Variants in TSPAN14 observed in about 807,000 individuals in gnomAD.
TSPAN14 encodes tetraspanin-14.
In TSPAN14, 16 loss-of-function variants were observed where a neutral mutation model predicts 36.6. The ratio of observed to expected loss-of-function variants is 0.44; its 90% confidence interval spans 0.30 to 0.66. The LOEUF (loss-of-function observed/expected upper bound fraction) is 0.66, where lower values mean the gene tolerates loss of function less well. Ranked by LOEUF, TSPAN14 falls within the 30% of genes least tolerant of loss-of-function variation. The pLI is 0.12. For synonymous variants in TSPAN14, 139 were observed against 143.8 expected, an observed-to-expected ratio of 0.97 and a Z score of 0.24; for missense variants, 231 against 355.1, an observed-to-expected ratio of 0.65 and a Z score of 2.81.
Position 80,483,971 on chromosome 10 carries a change from C to T in TSPAN14, c.-17-5246C>T, listed in dbSNP as rs975716875. Reference sequence around the variant, plus strand: ...AAAAAAGTGTAAAATAGGCCAGGCACGGTGACTCACGCCTGTAATCTCAGC... The same window carrying T: ...AAAAAAGTGTAAAATAGGCCAGGCATGGTGACTCACGCCTGTAATCTCAGC... On this transcript the variant is annotated intron_variant, in intron 1 of 8. Coordinates refer to ENST00000429989, the Ensembl canonical transcript of TSPAN14. Among the ~76,000 whole-genome samples the T allele has an allele frequency of 1.2e-3, 166 of 133,922 alleles. 1 individual carries two copies. Among genetic ancestry groups the T allele is most frequent in the Non-Finnish European group, 3.7e-4 (24 of 64,852 alleles). 87.9% of individuals were successfully genotyped at this position (133,922 alleles called of 152,430 possible). A position where few individuals can be genotyped will look rare whatever the true frequency, so the allele number is the denominator to read the frequency against.
chr10:80,473,597 C>G (rs904024852), intron 1 of TSPAN14, among the ~76,000 whole-genome samples: 1 of 152,076 alleles, frequency 6.6e-6, no homozygotes, highest in African/African-American at 2.4e-5. Context: ...GATCCAGCCC[C>G]CCTGACGTTG....
exon 9 of TSPAN14, chr10:80,520,474 A>C: frequency 2.2e-6 from 1 of 452,968 alleles, no homozygotes; most frequent in East Asian, 5.6e-5. Context: ...CCTGTCCTGA[A>C]TCCCCGCCTT....
At chr10:80,472,541 A>T (rs1846613144) in intron 1 of TSPAN14, among the ~76,000 whole-genome samples, 1 of 152,212 alleles carries the variant, frequency 6.6e-6, no homozygotes, top group Admixed American at 6.5e-5. Context: ...ATTTCACATC[A>T]AACTCATGAC....
intron 1 of TSPAN14, among the ~76,000 whole-genome samples, chr10:80,466,912 A>G (rs756564094): frequency 6.6e-6 from 1 of 152,218 alleles, no homozygotes; most frequent in East Asian, 1.9e-4. Context: ...ACGGGCTTAC[A>G]GGTCATAGGT....
chr10:80,480,862 A>T (rs1847232042), intron 1 of TSPAN14, among the ~76,000 whole-genome samples: 1 of 152,216 alleles, frequency 6.6e-6, no homozygotes, highest in African/African-American at 2.4e-5. Flanking sequence ...GCACACCAGC[A>T]TGGCACATGT....
At chr10:80,512,431 G>A (rs529461296) in intron 6 of TSPAN14, among the ~76,000 whole-genome samples, 162 bp downstream of exon 6, 7 of 152,300 alleles carry the variant, frequency 4.6e-5, no homozygotes, top group African/African-American at 9.6e-5. Context: ...TCTGAAATCC[G>A]ATATGTGTAC....
intron 5 of TSPAN14, among the ~76,000 whole-genome samples, chr10:80,510,670 C>T (rs541805159): frequency 2.6e-5 from 4 of 152,088 alleles, no homozygotes; most frequent in East Asian, 1.9e-4. Flanking sequence ...GTCAGGAGAT[C>T]GAGACCATCC....
At chr10:80,495,953 G>A (rs898999225) in intron 2 of TSPAN14, among the ~76,000 whole-genome samples, 2 of 151,968 alleles carry the variant, frequency 1.3e-5, no homozygotes, top group African/African-American at 4.8e-5. Flanking sequence ...CCTGGGTGAT[G>A]GTTGTTCTGC....
intron 5 of TSPAN14, among the ~76,000 whole-genome samples, chr10:80,511,711 C>CCTCT (rs56307745): frequency 1.2e-3 from 31 of 25,784 alleles, no homozygotes; most frequent in South Asian, 4.5e-3. Context: ...AAGGGCAGGT[C>CCTCT]CTCTCTCTCT....
At chr10:80,495,120 T>C (rs1271939339) in intron 2 of TSPAN14, among the ~76,000 whole-genome samples, 1 of 152,230 alleles carries the variant, frequency 6.6e-6, no homozygotes, top group Non-Finnish European at 1.5e-5. Flanking sequence ...TTCCAATTTT[T>C]TTGCTATCCT....
exon 6 of TSPAN14, chr10:80,512,254 C>T (rs1234629540): frequency 8.1e-6 from 13 of 1,613,990 alleles, no homozygotes; most frequent in East Asian, 2.2e-5. Flanking sequence ...TCTCCTGCTG[C>T]GTGCCAGATC....
intron 2 of TSPAN14, among the ~76,000 whole-genome samples, chr10:80,494,168 T>A (rs1293136010): frequency 6.6e-6 from 1 of 152,260 alleles, no homozygotes; most frequent in Non-Finnish European, 1.5e-5. Context: ...TGCCATTGGC[T>A]TTCTCAGTGA....
intron 2 of TSPAN14, among the ~76,000 whole-genome samples, chr10:80,495,022 A>T (rs1282918568): frequency 1.3e-5 from 2 of 152,190 alleles, no homozygotes; most frequent in Non-Finnish European, 2.9e-5. Context: ...GCTAATATAG[A>T]ACATCTACTA....
At chr10:80,507,057 C>A in intron 3 of TSPAN14, 171 bp from the exon 4 acceptor site, 2 of 771,840 alleles carry the variant, frequency 2.6e-6, no homozygotes, top group Non-Finnish European at 4.1e-6. Flanking sequence ...ATCGCCTGGT[C>A]GGAGGGGCCC....
chr10:80,468,872 C>G (rs1846384427), intron 1 of TSPAN14, among the ~76,000 whole-genome samples: 1 of 152,038 alleles, frequency 6.6e-6, no homozygotes, highest in Non-Finnish European at 1.5e-5. Flanking sequence ...AATGCACTTT[C>G]ATGTTTGAGA....
At chr10:80,501,530 G>A (rs1320236432) in intron 2 of TSPAN14, among the ~76,000 whole-genome samples, 2 of 152,108 alleles carry the variant, frequency 1.3e-5, no homozygotes, top group Non-Finnish European at 2.9e-5. Flanking sequence ...CTCCAGCAGT[G>A]GTTTTGTTGA....
Position 80,505,899 on chromosome 10 carries a change from G to A in TSPAN14, c.132+1121G>A, listed in dbSNP as rs1218471449. Among the ~76,000 whole-genome samples the A allele has an allele frequency of 2.0e-5, 3 of 152,246 alleles. 1 individual carries two copies. The highest frequency in any genetic ancestry group is 4.4e-5 in the Non-Finnish European group (3 of 68,050). ...GAGTTTATTCAAGCACACATGTTGA[G>A]GACAGGCCTACCCAGGAAGCACAAA... On this transcript the variant is annotated intron_variant, in intron 3 of 8. Coordinates refer to ENST00000429989, the Ensembl canonical transcript of TSPAN14.
chr10:80,459,418 T>TC (rs1845874058), intron 1 of TSPAN14: 1 of 152,608 alleles, frequency 6.6e-6, no homozygotes, highest in Admixed American at 6.5e-5. Context: ...AGGAACTGGC[T>TC]CCTCCCTCCT....
intron 2 of TSPAN14, among the ~76,000 whole-genome samples, chr10:80,493,389 C>T (rs1848022675): frequency 6.6e-6 from 1 of 152,216 alleles, no homozygotes; most frequent in South Asian, 2.1e-4. Flanking sequence ...TATGATCCAA[C>T]AATTCCACTT....
Sources: gnomAD v4.1 joint callset for allele counts (sites outside exome capture counted in the v4.1 genomes callset) on GRCh38, gnomAD v4.1.1 for gene constraint, MANE v1.5 for transcripts, NCBI Gene and HGNC (gene_info 2026-07-23, HGNC 2026-07-21) for gene names.